COPS8: variants seen among roughly 807,000 people sequenced by gnomAD.
The protein encoded by COPS8 is COP9 signalosome subunit 8.
A neutral mutation model predicts 31.5 loss-of-function variants in COPS8; 11 were observed. The ratio of observed to expected loss-of-function variants is 0.35; its 90% CI spans 0.22 to 0.58. The LOEUF is 0.58. Among genes scored for constraint, COPS8 ranks in the 20% least tolerant of loss-of-function variants. The probability of loss-of-function intolerance (pLI) is 0.83; values close to 1 mark genes in which losing one functional copy is unlikely to be tolerated. For synonymous variants in COPS8, 81 were observed against 89.3 expected (o/e 0.91, Z 0.52); for missense variants, 215 against 255.1 (o/e 0.84, Z 1.07).
intron 2 of COPS8, among the ~76,000 whole-genome samples, chr2:237,088,372 T>A (rs182024381): frequency 4.6e-5 from 7 of 152,342 alleles, no homozygotes; most frequent in Non-Finnish European, 4.4e-5. Flanking sequence ...TTATTATTTT[T>A]AAAAAATTCA....
At chr2:237,087,800 C>T (rs974853733) in intron 2 of COPS8, among the ~76,000 whole-genome samples, 2 of 152,004 alleles carry the variant, frequency 1.3e-5, no homozygotes, top group African/African-American at 2.4e-5. Flanking sequence ...GGCATGGTTG[C>T]GTGTGCCTCT....
chr2:237,094,656 G>A (rs959975172), intron 5 of COPS8, among the ~76,000 whole-genome samples: 14 of 151,962 alleles, frequency 9.2e-5, no homozygotes, highest in African/African-American at 2.7e-4. Flanking sequence ...CCTGTTGCTC[G>A]TTGTTATAGA....
intron 4 of COPS8, chr2:237,093,821 T>G: frequency 2.7e-6 from 3 of 1,100,686 alleles, no homozygotes; most frequent in Non-Finnish European, 3.3e-6. Flanking sequence ...TAGAGCCTTG[T>G]GTTTAGTAAC....
rs1305197612 is a variant in COPS8 at position 237,099,110 on chromosome 2, A to G, written c.*1368A>G. The G allele has an allele frequency of 6.6e-6, 1 of 152,166 alleles. No homozygotes were observed. The highest frequency in any genetic ancestry group is 2.4e-5 in the African/African-American group (1 of 41,448). The allele number at this position is 152,166 out of a possible 1,614,324, so 9.4% of individuals were successfully genotyped here. A position where few individuals can be genotyped will look rare whatever the true frequency, so the allele number is the denominator to read the frequency against. Reference sequence around the variant, plus strand: ...AGAGTCAATCCAAATATTCATTAATAGGGGATTGTTTGAATAAACAGCAGT... The same window carrying G: ...AGAGTCAATCCAAATATTCATTAATGGGGGATTGTTTGAATAAACAGCAGT... On this transcript the variant is annotated 3_prime_UTR_variant, in exon 8 of 8. Transcript: ENST00000354371.
chr2:237,090,124 G>T (rs1696680284), intron 4 of COPS8, 130 bp downstream of exon 4: 2 of 834,146 alleles, frequency 2.4e-6, no homozygotes, highest in Non-Finnish European at 3.4e-6. Context: ...GCAGTTTTCA[G>T]AATTTTTTAG....
chr2:237,087,369 G>A (rs1187394693), intron 2 of COPS8, 172 bp downstream of exon 2: 6 of 551,626 alleles, frequency 1.1e-5, no homozygotes, highest in African/African-American at 1.9e-5. Flanking sequence ...TTATGATTAG[G>A]TCGTCATTGT....
intron 6 of COPS8, 186 bp from the exon 7 acceptor site, chr2:237,096,636 T>C (rs1164652567): frequency 6.3e-6 from 4 of 638,616 alleles, no homozygotes; most frequent in Non-Finnish European, 1.1e-5. Context: ...GAAGACATGA[T>C]CCCAGTCAAG....
Position 237,089,859 on chromosome 2 carries a change from C to T in COPS8, c.199-3C>T. On this transcript the variant is annotated splice_region_variant and splice_polypyrimidine_tract_variant and intron_variant, in intron 3 of 7. Coordinates refer to ENST00000354371, the MANE Select transcript of COPS8 (RefSeq NM_006710.5). Reference sequence around the variant, plus strand: ...CCCTCTAAGGCAATAATATTTATTGCAGGCAAATTCTGAACTTGGGGGAAT... The same window carrying T: ...CCCTCTAAGGCAATAATATTTATTGTAGGCAAATTCTGAACTTGGGGGAAT... 4 of 1,611,768 alleles carry T rather than the reference C, an allele frequency of 2.5e-6. No individual in the cohort carries two copies. The highest frequency in any genetic ancestry group is 1.1e-5 in the South Asian group (1 of 90,936).
At chr2:237,092,863 G>A (rs574495362) in intron 4 of COPS8, among the ~76,000 whole-genome samples, 3 of 152,272 alleles carry the variant, frequency 2.0e-5, no homozygotes, top group African/African-American at 2.4e-5. Flanking sequence ...TTTGGTCCTC[G>A]TGATGCCATC....
chr2:237,097,998 T>C lies in COPS8; in HGVS notation c.*256T>C. 1 of 318,784 alleles carries C rather than the reference T, an allele frequency of 3.1e-6. No individual in the cohort carries two copies. Among genetic ancestry groups the C allele is most frequent in the Non-Finnish European group, 5.8e-6 (1 of 171,654 alleles). The allele number at this position is 318,784 out of a possible 1,614,324, so 19.7% of individuals were successfully genotyped here. On this transcript the variant is annotated 3_prime_UTR_variant, in exon 8 of 8. Coordinates refer to ENST00000354371, the MANE Select transcript of COPS8 (RefSeq NM_006710.5). ...GAGCCTGTCAGTATTACAGTTAGTTTTCTAGTGACTCATAAAATAAGATTT... is the reference window on the plus strand; with the variant it reads ...GAGCCTGTCAGTATTACAGTTAGTTCTCTAGTGACTCATAAAATAAGATTT...
chr2:237,094,000 C>T, intron 4 of COPS8, 90 bp from the exon 5 acceptor site: 23 of 1,516,764 alleles, frequency 1.5e-5, no homozygotes, highest in Non-Finnish European at 1.9e-5. Flanking sequence ...CTTATGAAAA[C>T]TAGACAAGGA....
At chr2:237,088,926 A>T (rs963744006) in intron 3 of COPS8, among the ~76,000 whole-genome samples, 2 of 152,212 alleles carry the variant, frequency 1.3e-5, no homozygotes, top group African/African-American at 4.8e-5. Flanking sequence ...GTTTAGATGA[A>T]GGAAGCTCCT....
chr2:237,088,045 A>T (rs1252303464), intron 2 of COPS8, among the ~76,000 whole-genome samples: 2 of 150,288 alleles, frequency 1.3e-5, no homozygotes, highest in Non-Finnish European at 3.0e-5. Flanking sequence ...CCTTTCTTTT[A>T]TATCTTTTTA....
intron 1 of COPS8, 113 bp from the exon 2 acceptor site, chr2:237,087,014 T>C (rs1696629129): frequency 2.9e-6 from 2 of 684,242 alleles, no homozygotes; most frequent in Non-Finnish European, 4.8e-6. Flanking sequence ...TAAAAAGGCT[T>C]ACTTTTAAAA....
At chr2:237,089,811 T>C in intron 3 of COPS8, 51 bp from the exon 4 acceptor site, 1 of 1,559,526 alleles carries the variant, frequency 6.4e-7, no homozygotes, top group Non-Finnish European at 8.8e-7. Flanking sequence ...GATACAATCA[T>C]TGGTGCATTT....
intron 1 of COPS8, 116 bp from the exon 2 acceptor site, chr2:237,087,011 G>A: frequency 1.5e-6 from 1 of 668,338 alleles, no homozygotes. Context: ...GACTAAAAAG[G>A]CTTACTTTTA....
intron 4 of COPS8, among the ~76,000 whole-genome samples, chr2:237,090,391 T>C (rs1334027917): frequency 6.6e-6 from 1 of 152,206 alleles, no homozygotes; most frequent in East Asian, 1.9e-4. Context: ...TTTTATAATT[T>C]ATCAGTTTAA....
chr2:237,087,011 GCTTA>G (rs912655528), intron 1 of COPS8, 112 bp from the exon 2 acceptor site: 32 of 668,338 alleles, frequency 4.8e-5, no homozygotes, highest in Middle Eastern at 4.2e-4. Flanking sequence ...GACTAAAAAG[GCTTA>G]CTTTTAAAAT....
chr2:237,089,493 C>T (rs1655760866), intron 3 of COPS8, among the ~76,000 whole-genome samples: 1 of 152,082 alleles, frequency 6.6e-6, no homozygotes, highest in African/African-American at 2.4e-5. Context: ...TACTTTTGAC[C>T]TAAATATATA....
Sources: allele counts gnomAD v4.1 joint callset (sites outside exome capture counted in the v4.1 genomes callset), GRCh38; gene constraint gnomAD v4.1.1; transcripts MANE v1.5; gene names NCBI Gene and HGNC (gene_info 2026-07-23, HGNC 2026-07-21).